LRMDA: variants seen among roughly 807,000 people sequenced by gnomAD.
LRMDA encodes the protein leucine-rich melanocyte differentiation-associated protein.
Under a neutral mutation model 29.8 loss-of-function variants are expected in LRMDA, and 18 were observed. That is an observed-to-expected ratio of 0.60 (90% CI 0.42 to 0.90). The LOEUF is 0.90. LRMDA is among the 40% of genes least tolerant of loss of function. The pLI, the probability that LRMDA is intolerant of heterozygous loss-of-function variation, is 0.00. For synonymous variants in LRMDA, 125 were observed against 109.4 expected (o/e 1.14, Z -0.89); for missense variants, 273 against 273.9 (o/e 1.00, Z 0.02).
chr10:76,338,565 A>G (rs1024308968), intron 6 of LRMDA, among the ~76,000 whole-genome samples: 1 of 152,008 alleles, frequency 6.6e-6, no homozygotes, highest in African/African-American at 2.4e-5. Flanking sequence ...CAAGTAACAG[A>G]GCTATCTCTA....
chr10:75,654,018 G>A (rs556097726), intron 2 of LRMDA, among the ~76,000 whole-genome samples: 40 of 152,290 alleles, frequency 2.6e-4, no homozygotes, highest in African/African-American at 7.9e-4. Flanking sequence ...CCCCAGTGCC[G>A]GAAGTCACAC....
chr10:75,963,081 C>G (rs967655550), intron 2 of LRMDA, among the ~76,000 whole-genome samples: 1 of 152,196 alleles, frequency 6.6e-6, no homozygotes, highest in African/African-American at 2.4e-5. Context: ...TGCTGATCTT[C>G]TTACAGCCAT....
chr10:75,955,534 C>G (rs1186252030), intron 2 of LRMDA, among the ~76,000 whole-genome samples: 1 of 152,162 alleles, frequency 6.6e-6, no homozygotes, highest in Admixed American at 6.5e-5. Flanking sequence ...AAGAACACAC[C>G]AGACCACATT....
In LRMDA at chr10:75,999,686, G is replaced by C. The variant is rs569254781; in HGVS notation, c.132-36322G>C. On this transcript the variant is annotated intron_variant, in intron 2 of 6. Transcript: ENST00000611255. ...ACTGACAATATAATTGACCTAAAAA[G>C]TTCTGGATTTCCTGTTAATGCACTT... Among the ~76,000 whole-genome samples, 5 of 152,234 alleles carry C rather than the reference G, an allele frequency of 3.3e-5. No homozygotes were observed. In the South Asian group the frequency reaches 1.0e-3, roughly 32 times the overall value.
In LRMDA at chr10:75,529,183, C is replaced by T. The variant is rs774580787; in HGVS notation, c.131+90689C>T. Among the ~76,000 whole-genome samples, 67 of 152,222 alleles carry T rather than the reference C, an allele frequency of 4.4e-4. 1 individual carries two copies. Among genetic ancestry groups the T allele is most frequent in the Admixed American group, 2.0e-4 (3 of 15,286 alleles). On this transcript the variant is annotated intron_variant, in intron 2 of 6. Coordinates refer to ENST00000611255, the MANE Select transcript of LRMDA (RefSeq NM_001305581.2). ...CTACCATTAAAATAGACTCACACCACCTCACATGGCTGTGAAATTTAAGAA... is the reference window on the plus strand; with the variant it reads ...CTACCATTAAAATAGACTCACACCATCTCACATGGCTGTGAAATTTAAGAA...
intron 5 of LRMDA, among the ~76,000 whole-genome samples, chr10:76,059,294 G>C (rs762794571): frequency 1.3e-5 from 2 of 152,170 alleles, no homozygotes; most frequent in African/African-American, 4.8e-5. Context: ...GCTGGCATGT[G>C]CCCCCCACAT....
At chr10:75,814,106 G>C (rs1482695630) in intron 2 of LRMDA, among the ~76,000 whole-genome samples, 5 of 152,214 alleles carry the variant, frequency 3.3e-5, no homozygotes, top group Non-Finnish European at 7.3e-5. Flanking sequence ...ATTTATGCAG[G>C]AGGAAGAGTG....
At chr10:75,929,395 C>T (rs1212342752) in intron 2 of LRMDA, among the ~76,000 whole-genome samples, 1 of 152,050 alleles carries the variant, frequency 6.6e-6, no homozygotes, top group African/African-American at 2.4e-5. Context: ...AAGATGTATG[C>T]ACAGCCATAC....
At chr10:76,253,340 T>C (rs535502483) in intron 5 of LRMDA, among the ~76,000 whole-genome samples, 1 of 152,332 alleles carries the variant, frequency 6.6e-6, no homozygotes, top group South Asian at 2.1e-4. Flanking sequence ...GAATTGCATC[T>C]CATTTATTTT....
chr10:75,750,421 ACTC>A (rs1433837770), intron 2 of LRMDA, among the ~76,000 whole-genome samples: 6 of 115,394 alleles, frequency 5.2e-5, no homozygotes, highest in African/African-American at 6.8e-5. Flanking sequence ...AGGCAGAGAC[ACTC>A]CTCAGTTCCC....
chr10:75,811,957 G>T (rs534742678), intron 2 of LRMDA, among the ~76,000 whole-genome samples: 1 of 151,962 alleles, frequency 6.6e-6, no homozygotes. Flanking sequence ...TTTCTTTTAG[G>T]CTGCTTTGTG....
intron 6 of LRMDA, among the ~76,000 whole-genome samples, chr10:76,540,545 C>T (rs1255912792): frequency 2.0e-5 from 3 of 152,160 alleles, no homozygotes; most frequent in African/African-American, 7.2e-5. Context: ...ATTTAAAATC[C>T]AACCCACCCC....
At chr10:76,124,412 C>T (rs1352858339) in intron 5 of LRMDA, among the ~76,000 whole-genome samples, 1 of 152,206 alleles carries the variant, frequency 6.6e-6, no homozygotes, top group East Asian at 1.9e-4. Context: ...CACCTTTTCT[C>T]AGGCTGCCTT....
intron 2 of LRMDA, among the ~76,000 whole-genome samples, chr10:75,667,630 A>G (rs1841839706): frequency 6.6e-6 from 1 of 152,196 alleles, no homozygotes; most frequent in Non-Finnish European, 1.5e-5. Flanking sequence ...TACTGTTGCC[A>G]GGCTTTGTCA....
rs575794150 is a variant in LRMDA, at chr10:75,731,889, G to GA, written c.131+293401dup. Among the ~76,000 whole-genome samples the GA allele has an allele frequency of 7.2e-4, 109 of 152,200 alleles. No homozygotes were observed. The East Asian group carries it at 0.017, about 23-fold the overall frequency. Reference sequence around the variant, plus strand: ...GTCTTTATATTTTCATAATGACATTGAAAAAATCCGAAGTATATGCATTAA... The same window carrying GA: ...GTCTTTATATTTTCATAATGACATTGAAAAAAATCCGAAGTATATGCATTAA... On this transcript the variant is annotated intron_variant, in intron 2 of 6. Transcript: ENST00000611255.
chr10:75,763,023 A>G (rs1204055871), intron 2 of LRMDA, among the ~76,000 whole-genome samples: 1 of 152,210 alleles, frequency 6.6e-6, no homozygotes, highest in Non-Finnish European at 1.5e-5. Flanking sequence ...CTAATTGGTC[A>G]CTGGGTCTGC....
rs372413726 is a variant in LRMDA at position 76,070,824 on chromosome 10, G to A, written c.516+12041G>A. Among the ~76,000 whole-genome samples, 5 of 152,250 alleles carry A rather than the reference G, an allele frequency of 3.3e-5. No individual in the cohort carries two copies. In the East Asian group the frequency reaches 7.7e-4, roughly 24 times the overall value. On this transcript the variant is annotated intron_variant, in intron 5 of 6. Coordinates refer to ENST00000611255, the MANE Select transcript of LRMDA (RefSeq NM_001305581.2). ...TGGGGAGGTCCAGGCTCCTGAGCTTGGGCATCTCCTCAGCCACCGCACGAG... is the reference window on the plus strand; with the variant it reads ...TGGGGAGGTCCAGGCTCCTGAGCTTAGGCATCTCCTCAGCCACCGCACGAG...
intron 2 of LRMDA, among the ~76,000 whole-genome samples, chr10:75,755,744 C>T (rs546161077): frequency 3.9e-5 from 6 of 152,330 alleles, no homozygotes; most frequent in Admixed American, 2.0e-4. Flanking sequence ...GGTGCAACAT[C>T]GCGGCAGCGG....
At chr10:75,569,708 G>A (rs944397869) in intron 2 of LRMDA, among the ~76,000 whole-genome samples, 4 of 152,194 alleles carry the variant, frequency 2.6e-5, no homozygotes, top group Middle Eastern at 6.3e-3. Flanking sequence ...GCCTGCAGAC[G>A]AATCACACAA....
Sources: gnomAD v4.1 joint callset for allele counts (sites outside exome capture counted in the v4.1 genomes callset) on GRCh38, gnomAD v4.1.1 for gene constraint, MANE v1.5 for transcripts, NCBI Gene and HGNC (gene_info 2026-07-23, HGNC 2026-07-21) for gene names.